EIF2D: variants seen among roughly 807,000 people sequenced by gnomAD.
EIF2D encodes eukaryotic translation initiation factor 2D.
EIF2D carries 56 observed loss-of-function variants against 77.4 expected under a neutral mutation model. The ratio of observed to expected loss-of-function variants is 0.72; its 90% CI spans 0.58 to 0.90. The LOEUF is 0.90. Ranked by LOEUF, EIF2D falls within the 40% of genes least tolerant of loss-of-function variation. EIF2D has a pLI of 0.00. For missense variants in EIF2D, 574 were observed against 706.5 expected (o/e 0.81, Z 2.13); for synonymous variants, 230 against 271.0 (o/e 0.85, Z 1.49).
At chr1:206,610,531 A>G (rs1294852858) in intron 2 of EIF2D, among the ~76,000 whole-genome samples, 1 of 151,614 alleles carries the variant, frequency 6.6e-6, no homozygotes, top group Non-Finnish European at 1.5e-5. Flanking sequence ...AAAAATATAT[A>G]TATTTTTGGC....
intron 4 of EIF2D, among the ~76,000 whole-genome samples, chr1:206,607,838 T>A (rs1553412995): frequency 6.6e-6 from 1 of 152,204 alleles, no homozygotes; most frequent in African/African-American, 2.4e-5. Flanking sequence ...TGTAGTTTAG[T>A]TAGCAGTACT....
intron 5 of EIF2D, among the ~76,000 whole-genome samples, chr1:206,572,336 T>A (rs1306308248): frequency 6.6e-6 from 1 of 152,050 alleles, no homozygotes; most frequent in African/African-American, 2.4e-5. Context: ...CCCACACAGT[T>A]GTGTCCTAGG....
At chr1:206,600,417 G>A (rs1478743712) in intron 7 of EIF2D, 109 bp from the exon 8 acceptor site, 2 of 973,528 alleles carry the variant, frequency 2.1e-6, no homozygotes, top group Non-Finnish European at 3.2e-6. Flanking sequence ...CACCTTCAGA[G>A]AGAGGCCACT....
chr1:206,601,677 T>G (rs1250893610), intron 7 of EIF2D: 1 of 152,280 alleles, frequency 6.6e-6, no homozygotes, highest in Non-Finnish European at 1.5e-5. Flanking sequence ...GTTCAGGCTA[T>G]GTAATCTTTA....
downstream of EIF2D, chr1:206,589,034 T>C (rs1371513135): frequency 6.5e-6 from 1 of 152,740 alleles, no homozygotes; most frequent in Admixed American, 6.5e-5. Context: ...GAGAAAATTA[T>C]TGGACAATTC....
intron 4 of EIF2D, among the ~76,000 whole-genome samples, chr1:206,574,178 A>C (rs1293181486): frequency 2.0e-5 from 3 of 152,212 alleles, no homozygotes; most frequent in Non-Finnish European, 4.4e-5. Flanking sequence ...CACCTCAAAG[A>C]GCAGGGGACC....
At chr1:206,574,642 C>G (rs2103556987) in intron 4 of EIF2D, among the ~76,000 whole-genome samples, 1 of 152,272 alleles carries the variant, frequency 6.6e-6, no homozygotes. Context: ...TTAGGGAACA[C>G]AGTTAAGGAG....
intron 5 of EIF2D, among the ~76,000 whole-genome samples, chr1:206,572,318 C>T (rs1038249824): frequency 6.6e-6 from 1 of 152,268 alleles, no homozygotes; most frequent in African/African-American, 2.4e-5. Flanking sequence ...GAGCTTCTTC[C>T]GAGATAGCCC....
intron 11 of EIF2D, among the ~76,000 whole-genome samples, chr1:206,598,565 A>G (rs2102284869): frequency 6.6e-6 from 1 of 152,326 alleles, no homozygotes; most frequent in Non-Finnish European, 1.5e-5. Context: ...TAGAAATGGT[A>G]AATACTCAAG....
In EIF2D at chr1:206,612,380, C is replaced by T; in HGVS notation, c.-38G>A. 6.2e-7 allele frequency: 1 copy of T among 1,613,928 alleles called. No individual in the cohort carries two copies. The highest frequency in any genetic ancestry group is 8.5e-7 in the Non-Finnish European group (1 of 1,179,790). The stretch of plus-strand genomic sequence containing the variant: ...GGCCTGGGGAAGAGAGCACAGAAGC[C>T]AGGGAATGTCAAGAAAGCGAGGGCG... On this transcript the variant is annotated 5_prime_UTR_variant, in exon 1 of 15. Coordinates refer to ENST00000271764, the MANE Select transcript of EIF2D (RefSeq NM_006893.3).
At chr1:206,602,764 T>G in intron 6 of EIF2D, 187 bp downstream of exon 6, 1 of 868,452 alleles carries the variant, frequency 1.2e-6, no homozygotes, top group Non-Finnish European at 1.7e-6. Flanking sequence ...CAGGAAGACG[T>G]GACTTATGTG....
At chr1:206,596,086 T>A (rs1215346582) in intron 12 of EIF2D, among the ~76,000 whole-genome samples, 1 of 152,212 alleles carries the variant, frequency 6.6e-6, no homozygotes, top group African/African-American at 2.4e-5. Context: ...GATTCAAAGA[T>A]GGGAACATCA....
chr1:206,599,122 G>T lies in EIF2D; in HGVS notation c.1203-30C>A. On this transcript the variant is annotated intron_variant, in intron 10 of 14. Coordinates refer to ENST00000271764, the MANE Select transcript of EIF2D (RefSeq NM_006893.3). The surrounding 1 kb of genome is among the most constrained non-coding windows in gnomAD (Gnocchi z 4.1). ...GTGAGGAGAAGTGACCCAGGGGTTA[G>T]TTCATGCTGTGCCATGAGACAAAAA... 1 of 1,603,602 alleles carries T rather than the reference G, an allele frequency of 6.2e-7. No individual in the cohort carries two copies. Among genetic ancestry groups the T allele is most frequent in the Non-Finnish European group, 8.5e-7 (1 of 1,170,866 alleles).
At chr1:206,580,524 G>A (rs1450237602) in intron 4 of EIF2D, among the ~76,000 whole-genome samples, 1 of 152,170 alleles carries the variant, frequency 6.6e-6, no homozygotes, top group Non-Finnish European at 1.5e-5. Flanking sequence ...AGGCACATCT[G>A]GTCCCATAGA....
Position 206,597,182 on chromosome 1 carries a change from CCA to C in EIF2D, c.1304_1305del (p.Leu435Ter), listed in dbSNP as rs1669691526. 6.2e-7 allele frequency: 1 copy of C among 1,613,504 alleles called. No individual in the cohort carries two copies. The highest frequency in any genetic ancestry group is 8.5e-7 in the Non-Finnish European group (1 of 1,179,666). The stretch of plus-strand genomic sequence containing the variant: ...AAGATGCAGTCACATAGGATGGGAT[CCA>C]ATCTCACAAGACTAAAGGGAAAGAA... ...VDADNKNLVR[L>X]DPILCDCILE... On this transcript the variant is annotated frameshift_variant, in exon 12 of 15. Coordinates refer to ENST00000271764, the MANE Select transcript of EIF2D (RefSeq NM_006893.3). LOFTEE classifies it high-confidence loss of function.
chr1:206,599,218 T>A lies in EIF2D; in HGVS notation c.1203-126A>T. On this transcript the variant is annotated intron_variant, in intron 10 of 14. Transcript: ENST00000271764. The surrounding 1 kb of genome is among the most constrained non-coding windows in gnomAD (Gnocchi z 4.1). ...AGCTTTCGGCCTCTAGTTTCTTCCC[T>A]TTTCCTGACTGAAGTGAGCATGACC... 1.0e-6 allele frequency: 1 copy of A among 953,880 alleles called. No individual in the cohort carries two copies. The highest frequency in any genetic ancestry group is 1.6e-6 in the Non-Finnish European group (1 of 632,186). 59.1% of individuals were successfully genotyped at this position (953,880 alleles called of 1,614,324 possible). A position where few individuals can be genotyped will look rare whatever the true frequency, so the allele number is the denominator to read the frequency against.
rs1413775954 is a variant in EIF2D, at chr1:206,611,320, T to C, written c.111A>G (p.Gln37=). 1.2e-6 allele frequency: 2 copies of C among 1,614,116 alleles called. No homozygotes were observed. The highest frequency in any genetic ancestry group is 2.7e-5 in the African/African-American group (2 of 74,948). The change falls in exon 2 of 15, where the codon CAA becomes CAG. Residue 37 remains glutamine, a synonymous_variant. Transcript: ENST00000271764. ...CCTTTCCAGGTACTAACTCAGAGAC[T>C]TGATCAGTTCCAAGGGTGGGGAAAG... is the stretch of plus-strand genomic sequence containing the variant. ...TTAFPTLGTD[Q]VSELVPGKEE...
At chr1:206,607,176 AG>A (rs1670239873) in intron 4 of EIF2D, among the ~76,000 whole-genome samples, 2 of 152,196 alleles carry the variant, frequency 1.3e-5, no homozygotes, top group Non-Finnish European at 2.9e-5. Context: ...GTGTATTGTT[AG>A]TATTTAAATG....
chr1:206,582,545 CAGA>C (rs1481176611), intron 2 of EIF2D, among the ~76,000 whole-genome samples: 7 of 152,334 alleles, frequency 4.6e-5, no homozygotes, highest in Non-Finnish European at 1.0e-4. Context: ...GTACTTGGCA[CAGA>C]AGAAGTGCTA....
Sources: allele counts gnomAD v4.1 joint callset (sites outside exome capture counted in the v4.1 genomes callset), GRCh38; gene constraint gnomAD v4.1.1; non-coding constraint Gnocchi (gnomAD v3.1); transcripts MANE v1.5; gene names NCBI Gene and HGNC (gene_info 2026-07-23, HGNC 2026-07-21).